The following DPP10 variants were observed in gnomAD, a reference collection of about 807,000 sequenced individuals.
The protein encoded by DPP10 is inactive dipeptidyl peptidase 10.
DPP10 carries 33 observed loss-of-function variants against 120.9 expected under a neutral mutation model. That is an observed-to-expected ratio of 0.27 (90% confidence interval 0.21 to 0.37). The LOEUF (loss-of-function observed/expected upper bound fraction) is 0.37, where lower values mean the gene tolerates loss of function less well. Ranked by LOEUF, DPP10 falls within the 10% of genes least tolerant of loss-of-function variation. DPP10 has a pLI of 1.00. For missense variants in DPP10, 816 were observed against 942.8 expected (o/e 0.87, Z 1.76); for synonymous variants, 337 against 326.1 (o/e 1.03, Z -0.36).
In DPP10 at chr2:114,473,522, T is replaced by C. The variant is rs187052089; in HGVS notation, c.60+30684T>C. 1.2e-3 allele frequency among the ~76,000 whole-genome samples: 178 copies of C among 152,338 alleles called. 1 individual carries two copies. Among genetic ancestry groups the C allele is most frequent in the African/African-American group, 4.2e-3 (174 of 41,582 alleles). ...AGTTTGTTTGAAACAGCAGCTGTAC[T>C]TTTAGGAACATAACCTGAAGAAATG... On this transcript the variant is annotated intron_variant, in intron 1 of 25. Transcript: ENST00000410059.
At chr2:115,667,655 CT>C (rs1226930652) in intron 5 of DPP10, among the ~76,000 whole-genome samples, 1 of 151,818 alleles carries the variant, frequency 6.6e-6, no homozygotes, top group African/African-American at 2.4e-5. Context: ...AGTTGTGCAG[CT>C]TTATTTTTGT....
intron 22 of DPP10, 34 bp downstream of exon 22, chr2:115,836,290 G>A (rs1484638400): frequency 6.4e-7 from 1 of 1,556,360 alleles, no homozygotes; most frequent in Admixed American, 1.9e-5. Context: ...CTAGTATAAT[G>A]TATTGATTTG....
At chr2:115,427,829 C>A (rs1206822382) in intron 3 of DPP10, among the ~76,000 whole-genome samples, 6 of 152,188 alleles carry the variant, frequency 3.9e-5, no homozygotes, top group Non-Finnish European at 8.8e-5. Context: ...CACAGCCAGG[C>A]TGCACATTTT....
chr2:115,557,477 G>C (rs2080289477), intron 5 of DPP10, among the ~76,000 whole-genome samples: 1 of 152,092 alleles, frequency 6.6e-6, no homozygotes, highest in African/African-American at 2.4e-5. Context: ...CATCTGTATA[G>C]AGCTTGCAAA....
intron 1 of DPP10, among the ~76,000 whole-genome samples, chr2:114,945,281 G>T (rs892135565): frequency 1.3e-5 from 2 of 152,172 alleles, no homozygotes; most frequent in Non-Finnish European, 2.9e-5. Flanking sequence ...GGAAGATAAT[G>T]TTAAGAGAAC....
At chr2:115,203,328 C>T (rs771785081) in intron 1 of DPP10, among the ~76,000 whole-genome samples, 5 of 152,164 alleles carry the variant, frequency 3.3e-5, no homozygotes, top group Non-Finnish European at 7.3e-5. Flanking sequence ...TCAATAGATG[C>T]TCGGCACTTT....
chr2:114,743,402 A>G (rs1479974113), intron 1 of DPP10, among the ~76,000 whole-genome samples: 1 of 125,324 alleles, frequency 8.0e-6, no homozygotes, highest in African/African-American at 3.3e-5. Context: ...TTTCATATCC[A>G]TACCCTTGCA....
At chr2:114,692,652 A>G (rs932523921) in intron 1 of DPP10, among the ~76,000 whole-genome samples, 20 of 151,866 alleles carry the variant, frequency 1.3e-4, no homozygotes, top group African/African-American at 1.9e-4. Context: ...TTCTGTCTCA[A>G]TGATCTGTCT....
At chr2:115,755,408 A>G (rs1240501481) in intron 11 of DPP10, among the ~76,000 whole-genome samples, 5 of 152,082 alleles carry the variant, frequency 3.3e-5, no homozygotes, top group Admixed American at 2.0e-4. Flanking sequence ...CAGAACAGAT[A>G]TTAGGGAAAG....
At chr2:115,382,096 C>T (rs2066426701) in intron 3 of DPP10, among the ~76,000 whole-genome samples, 1 of 152,212 alleles carries the variant, frequency 6.6e-6, no homozygotes, top group African/African-American at 2.4e-5. Flanking sequence ...TCAGTTGGAG[C>T]TTCCCGGCTG....
rs376086151 is a variant in DPP10, at chr2:115,328,750, C to T, written c.176-15067C>T. Reference sequence around the variant, plus strand: ...AACCTCTGTCCTTCCCTCATCTCTTCTCTATCCTGAAAGAGTTCACTAGAG... The same window carrying T: ...AACCTCTGTCCTTCCCTCATCTCTTTTCTATCCTGAAAGAGTTCACTAGAG... On this transcript the variant is annotated intron_variant, in intron 2 of 25. Transcript: ENST00000410059. Among the ~76,000 whole-genome samples the T allele has an allele frequency of 3.9e-5, 6 of 152,206 alleles. No individual in the cohort carries two copies. The East Asian group carries it at 1.2e-3, about 29-fold the overall frequency.
intron 1 of DPP10, among the ~76,000 whole-genome samples, chr2:115,048,551 T>C (rs1705233091): frequency 6.6e-6 from 1 of 152,110 alleles, no homozygotes. Context: ...TGGCTCATGA[T>C]AAAGTCCAAG....
At chr2:114,644,342 CTGTGTG>C (rs370038985) in intron 1 of DPP10, among the ~76,000 whole-genome samples, 5 of 143,234 alleles carry the variant, frequency 3.5e-5, no homozygotes, top group Admixed American at 6.9e-5. Context: ...CTGTGTGTGT[CTGTGTG>C]TGTGTGTGTG....
chr2:115,528,255 T>C (rs866953415), intron 5 of DPP10, among the ~76,000 whole-genome samples: 136 of 151,862 alleles, frequency 9.0e-4, no homozygotes, highest in Middle Eastern at 3.2e-3. Flanking sequence ...ATATACCTAA[T>C]GCAAATGACG....
At chr2:115,379,808 G>T (rs1274376078) in intron 3 of DPP10, among the ~76,000 whole-genome samples, 1 of 152,132 alleles carries the variant, frequency 6.6e-6, no homozygotes, top group African/African-American at 2.4e-5. Flanking sequence ...ATTTCATTAT[G>T]TACCCAGTAG....
chr2:115,242,935 G>C (rs1446953726), intron 1 of DPP10, among the ~76,000 whole-genome samples: 1 of 152,010 alleles, frequency 6.6e-6, no homozygotes, highest in Non-Finnish European at 1.5e-5. Flanking sequence ...ATTTATATTA[G>C]TATTGCTTAT....
intron 5 of DPP10, among the ~76,000 whole-genome samples, chr2:115,610,672 T>C (rs1191558763): frequency 3.3e-5 from 5 of 152,176 alleles, no homozygotes; most frequent in East Asian, 1.9e-4. Flanking sequence ...CTTGTATATA[T>C]TGGGCAGCTT....
At chr2:115,793,002 G>A (rs964407384) in intron 19 of DPP10, among the ~76,000 whole-genome samples, 4 of 152,194 alleles carry the variant, frequency 2.6e-5, no homozygotes, top group Non-Finnish European at 2.9e-5. Context: ...GGGGAAAACC[G>A]AATAAGAGTT....
chr2:115,836,308 C>G, intron 22 of DPP10, 52 bp downstream of exon 22: 6 of 1,523,738 alleles, frequency 3.9e-6, no homozygotes, highest in Non-Finnish European at 5.4e-6. Flanking sequence ...TTGTAGAAAA[C>G]GAAAGCCCAA....
Sources: allele counts gnomAD v4.1 joint callset (sites outside exome capture counted in the v4.1 genomes callset), GRCh38; gene constraint gnomAD v4.1.1; transcripts MANE v1.5; gene names NCBI Gene and HGNC (gene_info 2026-07-23, HGNC 2026-07-21).